Variants in HHIPL1 observed in about 807,000 individuals in gnomAD.
HHIPL1 encodes HHIP-like protein 1.
A neutral mutation model predicts 61.8 loss-of-function variants in HHIPL1; 43 were observed. The observed-to-expected ratio is 0.70, with a 90% confidence interval of 0.55 to 0.90. The LOEUF (loss-of-function observed/expected upper bound fraction) is 0.90, where lower values mean the gene tolerates loss of function less well. Among genes scored for constraint, HHIPL1 ranks in the 40% least tolerant of loss-of-function variants. The pLI is 0.00. For missense variants in HHIPL1, 1,056 were observed against 1,157.7 expected (o/e 0.91, Z 1.28); for synonymous variants, 482 against 515.8 (o/e 0.93, Z 0.89).
At chr14:99,637,622 A>G in the HHIPL1 span, among the ~76,000 whole-genome samples, 2 of 152,124 alleles carry the variant, frequency 1.3e-5, no homozygotes, top group Admixed American at 6.6e-5. Context: ...CATTTATAGA[A>G]AGTTTAAGAA....
rs1566809963 is a variant in HHIPL1 at position 99,656,846 on chromosome 14, AG to A, written c.903-152del. On this transcript the variant is annotated intron_variant, in intron 2 of 8. Coordinates refer to ENST00000330710, the MANE Select transcript of HHIPL1 (RefSeq NM_001127258.3). ...AAGAAAGAAAGAAAGAAAGGAAGGAAGGAAGGAAGGAAGGAAGGAAGGAAGG... is the reference window on the plus strand; with the variant it reads ...AAGAAAGAAAGAAAGAAAGGAAGGAAGAAGGAAGGAAGGAAGGAAGGAAGG... Among the ~76,000 whole-genome samples the A allele has an allele frequency of 2.8e-4, 4 of 14,438 alleles. 2 individuals are homozygous for A. Among genetic ancestry groups the A allele is most frequent in the Non-Finnish European group, 5.4e-4 (4 of 7,436 alleles). The allele number at this position is 14,438 out of a possible 152,430, so 9.5% of individuals were successfully genotyped here. A position where few individuals can be genotyped will look rare whatever the true frequency, so the allele number is the denominator to read the frequency against.
At chr14:99,623,540 A>G in the HHIPL1 span, among the ~76,000 whole-genome samples, 1 of 152,218 alleles carries the variant, frequency 6.6e-6, no homozygotes, top group Admixed American at 6.5e-5. Flanking sequence ...CAGCCTCCCA[A>G]GTAGTTGGGA....
intron 4 of HHIPL1, 91 bp downstream of exon 4, chr14:99,659,847 C>CCCCCCT: frequency 3.2e-6 from 1 of 311,212 alleles, no homozygotes; most frequent in Non-Finnish European, 4.6e-6. Context: ...GGAGACCGCA[C>CCCCCCT]CCCCCCCCCC....
intron 7 of HHIPL1, among the ~76,000 whole-genome samples, chr14:99,669,816 T>C (rs913435287): frequency 3.3e-5 from 5 of 152,174 alleles, no homozygotes; most frequent in Admixed American, 6.5e-5. Flanking sequence ...TCCCAGCTAC[T>C]TGGGATGCTA....
rs200138544 is a variant in HHIPL1 at position 99,652,770 on chromosome 14, G to A, written c.802G>A (p.Val268Ile). The A allele has an allele frequency of 9.3e-5, 150 of 1,613,892 alleles. No individual in the cohort carries two copies. The highest frequency in any genetic ancestry group is 6.7e-5 in the Admixed American group (4 of 60,002). Reference protein sequence around the residue: ...PSFQHNRRLYVYYSVGIRSSE... With the variant: ...PSFQHNRRLYIYYSVGIRSSE... ...CTTCCAGCACAACCGCAGGCTCTAC[G>A]TCTACTACTCAGTGGGTATCCGCAG... Residue 268 changes from valine to isoleucine, a missense_variant, in exon 2 of 9, where the codon GTC becomes ATC. Val to Ile is a conservative substitution (Grantham distance 29). Coordinates refer to ENST00000330710, the MANE Select transcript of HHIPL1 (RefSeq NM_001127258.3).
rs1437012234 is a variant in HHIPL1, at chr14:99,680,432, G to A, written c.*4806G>A. ...AATTTTCAGTTCTAGAAGCTCCTGG[G>A]TAATGCTAATCCTCCTGTTCTAGGG... On this transcript the variant is annotated 3_prime_UTR_variant, in exon 9 of 9. Coordinates refer to ENST00000330710, the MANE Select transcript of HHIPL1 (RefSeq NM_001127258.3). 6.6e-6 allele frequency: 1 copy of A among 152,102 alleles called. No homozygotes were observed. The highest frequency in any genetic ancestry group is 1.5e-5 in the Non-Finnish European group (1 of 68,044). The allele number at this position is 152,102 out of a possible 1,614,324, so 9.4% of individuals were successfully genotyped here.
chr14:99,628,408 C>A, the HHIPL1 span, among the ~76,000 whole-genome samples: 8 of 151,946 alleles, frequency 5.3e-5, no homozygotes, highest in African/African-American at 9.7e-5. Flanking sequence ...GATGAAACCC[C>A]GTCTCTACTA....
chr14:99,654,188 C>CAAAAAAAAAAAAA (rs754501639), intron 2 of HHIPL1, among the ~76,000 whole-genome samples: 1 of 90,024 alleles, frequency 1.1e-5, no homozygotes, highest in East Asian at 3.4e-4. Context: ...GACTCTGTCT[C>CAAAAAAAAAAAAA]AAAAAAAAAA....
At chr14:99,653,234 C>T (rs188567631) in intron 2 of HHIPL1, among the ~76,000 whole-genome samples, 5 of 152,280 alleles carry the variant, frequency 3.3e-5, no homozygotes, top group East Asian at 3.9e-4. Context: ...TTGGGTCACA[C>T]GGGGAGGGAG....
At chr14:99,615,448 G>C in the HHIPL1 span, among the ~76,000 whole-genome samples, 14 of 152,250 alleles carry the variant, frequency 9.2e-5, no homozygotes, top group South Asian at 1.2e-3. Flanking sequence ...GGAGGCTGAG[G>C]TGAGAGGGTT....
At chr14:99,614,167 G>A in the HHIPL1 span, among the ~76,000 whole-genome samples, 3 of 152,154 alleles carry the variant, frequency 2.0e-5, no homozygotes, top group Non-Finnish European at 4.4e-5. Context: ...AGATAGTCAA[G>A]TGACAAGAAA....
intron 2 of HHIPL1, among the ~76,000 whole-genome samples, chr14:99,653,884 CAT>C (rs1265924636): frequency 3.3e-5 from 5 of 152,176 alleles, no homozygotes; most frequent in South Asian, 2.1e-4. Context: ...GTCAGTTACT[CAT>C]GTGTTAGAAA....
chr14:99,650,383 G>A (rs1246628690), intron 1 of HHIPL1, among the ~76,000 whole-genome samples: 1 of 152,220 alleles, frequency 6.6e-6, no homozygotes, highest in Non-Finnish European at 1.5e-5. Context: ...ACCCAGGCTT[G>A]GCCTGGTGGA....
chr14:99,621,109 T>C, the HHIPL1 span, among the ~76,000 whole-genome samples: 1 of 151,910 alleles, frequency 6.6e-6, no homozygotes, highest in East Asian at 1.9e-4. Flanking sequence ...TATGCCCACT[T>C]TTTTTTTGAA....
rs1053482353 is a variant in HHIPL1 at position 99,675,732 on chromosome 14, G to A, written c.*106G>A. 6 of 1,186,000 alleles carry A rather than the reference G, an allele frequency of 5.1e-6. No individual in the cohort carries two copies. Among genetic ancestry groups the A allele is most frequent in the Middle Eastern group, 2.8e-4 (1 of 3,558 alleles). 73.5% of individuals were successfully genotyped at this position (1,186,000 alleles called of 1,614,324 possible). On this transcript the variant is annotated 3_prime_UTR_variant, in exon 9 of 9. Coordinates refer to ENST00000330710, the MANE Select transcript of HHIPL1 (RefSeq NM_001127258.3). The surrounding 1 kb of genome is among the most constrained non-coding windows in gnomAD (Gnocchi z 5.4). The stretch of plus-strand genomic sequence containing the variant: ...TGCACACGTGTTCTAGAGTGAAGGG[G>A]GTGCGGGTGTGTGCTGTCCTGGGGA...
chr14:99,646,986 C>G (rs1345569764), intron 1 of HHIPL1, among the ~76,000 whole-genome samples: 3 of 152,134 alleles, frequency 2.0e-5, no homozygotes, highest in Non-Finnish European at 2.9e-5. Context: ...TCGAGGGCTT[C>G]CTTGGCCCTC....
rs778098930 is a variant in HHIPL1 at position 99,659,618 on chromosome 14, G to C, written c.1237G>C (p.Gly413Arg). 9 of 1,548,164 alleles carry C rather than the reference G, an allele frequency of 5.8e-6. No homozygotes were observed. Among genetic ancestry groups the C allele is most frequent in the Non-Finnish European group, 7.8e-6 (9 of 1,150,786 alleles). Residue 413 changes from glycine (G) to arginine (R), a missense_variant, in exon 4 of 9, where the codon GGG (glycine) becomes CGG (arginine). Gly to Arg is a moderately radical substitution (Grantham distance 125, BLOSUM62 -2). Transcript: ENST00000330710. ...CGACCCCTCCTCGGGCACTGGCCGCGGGCGCCTCTTCTGCGGCGACGTGGG... is the reference window on the plus strand; with the variant it reads ...CGACCCCTCCTCGGGCACTGGCCGCCGGCGCCTCTTCTGCGGCGACGTGGG... ...RGDPSSGTGR[G>R]RLFCGDVGQN...
chr14:99,659,109 T>C (rs2056097548), intron 3 of HHIPL1, among the ~76,000 whole-genome samples: 1 of 152,170 alleles, frequency 6.6e-6, no homozygotes, highest in Admixed American at 6.5e-5. Flanking sequence ...CTGCCACATC[T>C]GTAAAGTGGG....
chr14:99,675,205 G>A lies in HHIPL1; in HGVS notation c.1928G>A (p.Arg643Gln), dbSNP rs2056374077. 1 of 1,169,076 alleles carries A rather than the reference G, an allele frequency of 8.6e-7. No individual in the cohort carries two copies. Among genetic ancestry groups the A allele is most frequent in the Admixed American group, 4.8e-5 (1 of 21,046 alleles). The allele number at this position is 1,169,076 out of a possible 1,614,324, so 72.4% of individuals were successfully genotyped here. A position where few individuals can be genotyped will look rare whatever the true frequency, so the allele number is the denominator to read the frequency against. The change falls in exon 9 of 9, where the codon CGG (arginine) becomes CAG (glutamine). Residue 643 changes from arginine (R) to glutamine (Q), a missense_variant. By Grantham distance (43) the Arg-to-Gln change is conservative. Coordinates refer to ENST00000330710, the MANE Select transcript of HHIPL1 (RefSeq NM_001127258.3). The surrounding 1 kb of genome is among the most constrained non-coding windows in gnomAD (Gnocchi z 5.4). ...APPAPTPRPA[R>Q]PTQQPGSRRG... ...CCCGCGCCAACCCCGCGGCCAGCGCGGCCCACCCAGCAGCCAGGGAGCCGG... is the reference window on the plus strand; with the variant it reads ...CCCGCGCCAACCCCGCGGCCAGCGCAGCCCACCCAGCAGCCAGGGAGCCGG...
Sources: allele counts gnomAD v4.1 joint callset (sites outside exome capture counted in the v4.1 genomes callset), GRCh38; gene constraint gnomAD v4.1.1; non-coding constraint Gnocchi (gnomAD v3.1); transcripts MANE v1.5; gene names NCBI Gene and HGNC (gene_info 2026-07-23, HGNC 2026-07-21).